WWOX: variants seen among roughly 807,000 people sequenced by gnomAD.
WWOX encodes WW domain-containing oxidoreductase.
WWOX carries 69 observed loss-of-function variants against 46.2 expected under a neutral mutation model. The observed-to-expected ratio is 1.49, with a 90% confidence interval of 1.23 to 1.82. The LOEUF (loss-of-function observed/expected upper bound fraction) is 1.82. Ranked by LOEUF, WWOX falls within the 40% of genes most tolerant of loss-of-function variation. The pLI, the probability that WWOX is intolerant of heterozygous loss-of-function variation, is 0.00. For missense variants in WWOX, 919 were observed against 542.6 expected, an observed-to-expected ratio of 1.69 and a Z score of -6.89; for synonymous variants, 359 against 202.6, an observed-to-expected ratio of 1.77 and a Z score of -6.56.
At chr16:79,154,532 A>G (rs1025240097) in intron 8 of WWOX, among the ~76,000 whole-genome samples, 2 of 150,156 alleles carry the variant, frequency 1.3e-5, no homozygotes, top group Admixed American at 6.6e-5. Flanking sequence ...AGGTGAATTT[A>G]GTTGAAAGGA....
At chr16:78,937,593 C>G (rs1315605393) in intron 8 of WWOX, among the ~76,000 whole-genome samples, 2 of 146,932 alleles carry the variant, frequency 1.4e-5, no homozygotes, top group Non-Finnish European at 3.0e-5. Context: ...CCGTGCCCAG[C>G]TATAGAGCTT....
intron 8 of WWOX, among the ~76,000 whole-genome samples, chr16:78,522,003 A>G (rs1193229390): frequency 6.6e-6 from 1 of 152,178 alleles, no homozygotes; most frequent in Non-Finnish European, 1.5e-5. Flanking sequence ...ACTGAAATTC[A>G]GAGAGATTAA....
chr16:78,441,662 C>T (rs1408561890), intron 8 of WWOX, among the ~76,000 whole-genome samples: 2 of 152,082 alleles, frequency 1.3e-5, no homozygotes, highest in Non-Finnish European at 2.9e-5. Context: ...CATTCTAACT[C>T]TTGGGCAAGG....
chr16:79,066,120 A>G (rs895327935), intron 8 of WWOX, among the ~76,000 whole-genome samples: 7 of 151,980 alleles, frequency 4.6e-5, no homozygotes, highest in Non-Finnish European at 7.4e-5. Context: ...CTTTTTGTGC[A>G]CTGCCCAAGA....
chr16:79,164,412 C>T (rs1195134931), intron 8 of WWOX, among the ~76,000 whole-genome samples: 1 of 152,170 alleles, frequency 6.6e-6, no homozygotes, highest in African/African-American at 2.4e-5. Context: ...GACAGGCTGC[C>T]CTTGTGCCCG....
intron 8 of WWOX, among the ~76,000 whole-genome samples, chr16:78,624,521 A>G (rs565864582): frequency 6.6e-6 from 1 of 152,336 alleles, no homozygotes; most frequent in East Asian, 1.9e-4. Context: ...TATCTTTAAT[A>G]GCTTCTGTGT....
chr16:78,781,739 C>T (rs2050332052), intron 8 of WWOX, among the ~76,000 whole-genome samples: 2 of 152,152 alleles, frequency 1.3e-5, no homozygotes, highest in Non-Finnish European at 1.5e-5. Context: ...GGCACCCCTG[C>T]ACTCCAGTCT....
intron 8 of WWOX, among the ~76,000 whole-genome samples, chr16:78,915,509 G>A (rs888637067): frequency 1.8e-4 from 27 of 152,186 alleles, no homozygotes; most frequent in South Asian, 4.2e-4. Context: ...ACAGAATGTC[G>A]CATGCAGATC....
At chr16:78,683,082 C>A (rs2047767491) in intron 8 of WWOX, among the ~76,000 whole-genome samples, 1 of 152,098 alleles carries the variant, frequency 6.6e-6, no homozygotes, top group Non-Finnish European at 1.5e-5. Flanking sequence ...GGTTCTGACT[C>A]CAGATGACTT....
chr16:79,099,032 G>C (rs1480591997), intron 8 of WWOX, among the ~76,000 whole-genome samples: 1 of 151,792 alleles, frequency 6.6e-6, no homozygotes, highest in Non-Finnish European at 1.5e-5. Context: ...TTTCACTCCT[G>C]GCAGAAGGCA....
chr16:78,196,225 A>G (rs946811041), intron 5 of WWOX, among the ~76,000 whole-genome samples: 4 of 152,230 alleles, frequency 2.6e-5, no homozygotes, highest in African/African-American at 9.7e-5. Context: ...ATGTATTGCA[A>G]GCTGTTTAAA....
intron 8 of WWOX, among the ~76,000 whole-genome samples, chr16:78,681,543 A>G (rs1241033332): frequency 9.4e-6 from 1 of 106,332 alleles, no homozygotes; most frequent in Non-Finnish European, 2.0e-5. Flanking sequence ...TTTCCTCCAT[A>G]TACAAAAAAA....
At chr16:78,580,267 T>A (rs2045015366) in intron 8 of WWOX, among the ~76,000 whole-genome samples, 2 of 151,902 alleles carry the variant, frequency 1.3e-5, no homozygotes, top group Non-Finnish European at 2.9e-5. Flanking sequence ...AGAGATGGGG[T>A]CTCACTATGT....
intron 8 of WWOX, among the ~76,000 whole-genome samples, chr16:78,636,960 G>C (rs568458724): frequency 6.6e-6 from 1 of 152,140 alleles, no homozygotes; most frequent in Non-Finnish European, 1.5e-5. Flanking sequence ...GTTTGGACGC[G>C]TTCCCCTTGT....
chr16:78,993,967 C>G (rs2046939198), intron 8 of WWOX, among the ~76,000 whole-genome samples: 1 of 152,180 alleles, frequency 6.6e-6, no homozygotes, highest in African/African-American at 2.4e-5. Context: ...CCTGGGCAAG[C>G]CAACAGCTCA....
intron 5 of WWOX, among the ~76,000 whole-genome samples, chr16:78,296,670 G>C (rs930317601): frequency 1.3e-5 from 2 of 152,002 alleles, no homozygotes; most frequent in Admixed American, 6.6e-5. Flanking sequence ...ATCAACATTT[G>C]CAAGCTTATG....
chr16:78,745,149 C>T (rs1019236602), intron 8 of WWOX, among the ~76,000 whole-genome samples: 2 of 152,176 alleles, frequency 1.3e-5, no homozygotes, highest in Non-Finnish European at 2.9e-5. Context: ...TATGAACATG[C>T]CTCTGTCTGT....
At chr16:78,863,541 C>G (rs1597076532) in intron 8 of WWOX, among the ~76,000 whole-genome samples, 1 of 152,126 alleles carries the variant, frequency 6.6e-6, no homozygotes, top group East Asian at 1.9e-4. Flanking sequence ...ATCAGTAGTC[C>G]TCGTGATCTT....
At chr16:78,559,968 A>G (rs76589905) in intron 8 of WWOX, among the ~76,000 whole-genome samples, 1,667 of 152,278 alleles carry the variant, frequency 0.011, 23 homozygotes, top group Non-Finnish European at 0.013. Flanking sequence ...TTTTGTCTGA[A>G]CTAGCCAAGG....
Sources: allele counts gnomAD v4.1 joint callset (sites outside exome capture counted in the v4.1 genomes callset), GRCh38; gene constraint gnomAD v4.1.1; transcripts MANE v1.5; gene names NCBI Gene and HGNC (gene_info 2026-07-23, HGNC 2026-07-21).